The following FAM234A variants were observed in gnomAD, a reference collection of about 807,000 sequenced individuals.
The protein encoded by FAM234A is family with sequence similarity 234 member A, also known as protein FAM234A.
FAM234A carries 42 observed loss-of-function variants against 49.1 expected under a neutral mutation model. The ratio of observed to expected loss-of-function variants is 0.86; its 90% CI spans 0.67 to 1.11. FAM234A has a LOEUF of 1.11. Among genes scored for constraint, FAM234A ranks in the 50% least tolerant of loss-of-function variants. The pLI is 0.00. For synonymous variants in FAM234A, 369 were observed against 316.2 expected (o/e 1.17, Z -1.77); for missense variants, 815 against 745.2 (o/e 1.09, Z -1.09).
chr16:245,415 G>C (rs564644601), intron 1 of FAM234A, among the ~76,000 whole-genome samples: 1 of 152,264 alleles, frequency 6.6e-6, no homozygotes, highest in South Asian at 2.1e-4. Context: ...GAGTGAGACT[G>C]AGTGTGTTTC....
rs1299352819 is a variant in FAM234A at position 246,513 on chromosome 16, G to A, written c.-139-3036G>A. 2.0e-3 allele frequency among the ~76,000 whole-genome samples: 271 copies of A among 132,794 alleles called. 2 individuals carry two copies. The highest frequency in any genetic ancestry group is 7.3e-3 in the African/African-American group (255 of 34,810). 87.1% of individuals were successfully genotyped at this position (132,794 alleles called of 152,430 possible). A position where few individuals can be genotyped will look rare whatever the true frequency, so the allele number is the denominator to read the frequency against. On this transcript the variant is annotated intron_variant, in intron 1 of 12. Transcript: ENST00000399932. ...TGGCTCACTGCAAGCTCTGCCTCCC[G>A]GGTTCACGCCATTCTCCTGCCTCAG...
chr16:243,972 A>ATT (rs72357722), intron 1 of FAM234A, among the ~76,000 whole-genome samples: 17 of 145,162 alleles, frequency 1.2e-4, no homozygotes, highest in Admixed American at 2.8e-4. Context: ...AAGGAAAATG[A>ATT]TTTTTTTTTT....
chr16:268,894 G>A (rs868781716), downstream of FAM234A: 28 of 1,550,392 alleles, frequency 1.8e-5, no homozygotes, highest in South Asian at 3.6e-5. Context: ...TCTTGCTTCC[G>A]GGTATTCGCT....
intron 3 of FAM234A, among the ~76,000 whole-genome samples, chr16:256,665 G>T (rs2141299725): frequency 6.6e-6 from 1 of 152,048 alleles, no homozygotes; most frequent in South Asian, 2.1e-4. Context: ...CTGCCTCCCA[G>T]GTTCAAGCGA....
At chr16:238,448 TAATTTATTAATG>T (rs1334638648) in intron 1 of FAM234A, among the ~76,000 whole-genome samples, 2 of 152,130 alleles carry the variant, frequency 1.3e-5, no homozygotes, top group Admixed American at 1.3e-4. Context: ...GGGCCAGGCC[TAATTTATTAATG>T]AATGCATTAA....
At chr16:269,356 C>A, downstream of FAM234A, 1 of 1,603,252 alleles carries the variant, frequency 6.2e-7, no homozygotes, top group Admixed American at 1.7e-5. Context: ...GGCTCGAGTG[C>A]CGTGGCCTCC....
chr16:261,644 G>A, intron 6 of FAM234A, 130 bp downstream of exon 6: 2 of 1,152,644 alleles, frequency 1.7e-6, no homozygotes, highest in Admixed American at 2.4e-5. Context: ...CTCGCCCAGA[G>A]CCCCACGTTC....
intron 5 of FAM234A, chr16:261,182 A>C (rs2051449859): frequency 1.8e-6 from 1 of 558,156 alleles, no homozygotes; most frequent in Non-Finnish European, 3.2e-6. Flanking sequence ...ACGTGTGTCC[A>C]CCACCTCCGC....
Position 262,437 on chromosome 16 carries a change from C to T in FAM234A, c.855C>T (p.Cys285=), listed in dbSNP as rs779343531. 1.3e-5 allele frequency: 21 copies of T among 1,605,292 alleles called. No individual in the cohort carries two copies. Among genetic ancestry groups the T allele is most frequent in the South Asian group, 4.4e-5 (4 of 90,062 alleles). Residue 285 remains cysteine, a synonymous_variant, in exon 8 of 13, where the codon TGC becomes TGT. Coordinates refer to ENST00000399932, the MANE Select transcript of FAM234A (RefSeq NM_032039.4). ...YILFPCASSL[C]GCSVKGLYEK... is the part of the protein sequence containing the mutation. ...TGTTTTGAATAGCAAGCTCCCTCTG[C>T]GGCTGCTCTGTGAAGGGTCTCTACG...
chr16:260,942 C>T (rs74955036), intron 5 of FAM234A, among the ~76,000 whole-genome samples: 70 of 152,284 alleles, frequency 4.6e-4, no homozygotes, highest in African/African-American at 1.4e-3. Flanking sequence ...AGGGGCCACT[C>T]AGCTGGGGCC....
chr16:268,404 G>A (rs756775677), downstream of FAM234A: 30 of 321,066 alleles, frequency 9.3e-5, no homozygotes, highest in Non-Finnish European at 1.5e-4. Flanking sequence ...GGATGGCACC[G>A]CCCTACCGCC....
At chr16:246,463 A>G (rs1425382257) in intron 1 of FAM234A, among the ~76,000 whole-genome samples, 1 of 114,630 alleles carries the variant, frequency 8.7e-6, no homozygotes, top group East Asian at 3.0e-4. Flanking sequence ...TCTGTCGCCC[A>G]GGCTGGAGTG....
chr16:239,335 C>T (rs182792840), intron 1 of FAM234A, among the ~76,000 whole-genome samples: 5 of 142,994 alleles, frequency 3.5e-5, no homozygotes, highest in East Asian at 4.3e-4. Flanking sequence ...AAAATTGTGC[C>T]GGATGCGGTG....
chr16:254,374 G>C lies in FAM234A; in HGVS notation c.-33-7G>C. Reference sequence around the variant, plus strand: ...GGCCTCGCCGACCTCTTGCTTTATCGACACAGTGACCAGGAGTTAAACTTT... The same window carrying C: ...GGCCTCGCCGACCTCTTGCTTTATCCACACAGTGACCAGGAGTTAAACTTT... On this transcript the variant is annotated splice_polypyrimidine_tract_variant and splice_region_variant and intron_variant, in intron 2 of 12. Coordinates refer to ENST00000399932, the MANE Select transcript of FAM234A (RefSeq NM_032039.4). The C allele has an allele frequency of 1.2e-6, 2 of 1,607,544 alleles. No homozygotes were observed. The highest frequency in any genetic ancestry group is 1.7e-6 in the Non-Finnish European group (2 of 1,176,228).
intron 1 of FAM234A, among the ~76,000 whole-genome samples, chr16:242,842 G>T: frequency 6.6e-6 from 1 of 152,036 alleles, no homozygotes; most frequent in Non-Finnish European, 1.5e-5. Flanking sequence ...TCGAACTCCT[G>T]ACCTTGCGAT....
At chr16:258,828 G>A (rs1305037085) in intron 3 of FAM234A, among the ~76,000 whole-genome samples, 1 of 152,212 alleles carries the variant, frequency 6.6e-6, no homozygotes, top group Non-Finnish European at 1.5e-5. Context: ...CTGTCGGCCA[G>A]GCTGGAGTGC....
rs777785552 is a variant in FAM234A at position 263,416 on chromosome 16, C to T, written c.1112+14C>T. On this transcript the variant is annotated intron_variant, in intron 9 of 12. Coordinates refer to ENST00000399932, the MANE Select transcript of FAM234A (RefSeq NM_032039.4). ...CCATGTCCTGAGGTACAGGGTTTCC[C>T]CAAGGACCGCGCAGGTGCTGCACCC... 1.9e-6 allele frequency: 3 copies of T among 1,605,960 alleles called. No individual in the cohort carries two copies. Among genetic ancestry groups the T allele is most frequent in the Non-Finnish European group, 2.5e-6 (3 of 1,179,816 alleles).
At chr16:237,213 T>C (rs1371436524) in intron 1 of FAM234A, among the ~76,000 whole-genome samples, 1 of 152,126 alleles carries the variant, frequency 6.6e-6, no homozygotes, top group Non-Finnish European at 1.5e-5. Context: ...CCCCTTCTTT[T>C]TCTTTTCAGG....
At chr16:261,842 T>C (rs965647744) in intron 6 of FAM234A, among the ~76,000 whole-genome samples, 4 of 152,156 alleles carry the variant, frequency 2.6e-5, no homozygotes, top group Admixed American at 2.0e-4. Flanking sequence ...CCCCGTGCAG[T>C]GTGGAGGCAC....
Sources: allele counts gnomAD v4.1 joint callset (sites outside exome capture counted in the v4.1 genomes callset), GRCh38; gene constraint gnomAD v4.1.1; transcripts MANE v1.5; gene names NCBI Gene and HGNC (gene_info 2026-07-23, HGNC 2026-07-21).